CADPS: variants seen among roughly 807,000 people sequenced by gnomAD.
CADPS encodes the protein calcium dependent secretion activator, also known as calcium-dependent secretion activator 1.
CADPS carries 57 observed loss-of-function variants against 167.3 expected under a neutral mutation model. The observed-to-expected ratio is 0.34, with a 90% confidence interval of 0.28 to 0.42. CADPS has a LOEUF of 0.42. CADPS is among the 20% of genes least tolerant of loss of function. CADPS has a pLI of 1.00. For missense variants in CADPS, 1,414 were observed against 1,738.1 expected (o/e 0.81, Z 3.32); for synonymous variants, 676 against 635.3 (o/e 1.06, Z -0.96).
rs137902454 is a variant in CADPS at position 62,490,014 on chromosome 3, C to A, written c.3026+1325G>T. ...GAGCTACTGGTTATTAACCTCCCTG[C>A]AATAGGGAAACTCCTCTTGTGGCTC... On this transcript the variant is annotated intron_variant, in intron 21 of 29. Transcript: ENST00000383710. Among the ~76,000 whole-genome samples the A allele has an allele frequency of 7.9e-5, 12 of 152,222 alleles. No homozygotes were observed. In the East Asian group the frequency reaches 2.1e-3, roughly 27 times the overall value.
rs571340822 is a variant in CADPS, at chr3:62,785,914, G to GA, written c.442-19931dup. Among the ~76,000 whole-genome samples, 781 of 112,480 alleles carry GA rather than the reference G, an allele frequency of 6.9e-3. 5 individuals are homozygous for GA. Among genetic ancestry groups the GA allele is most frequent in the South Asian group, 0.014 (45 of 3,312 alleles). The allele number at this position is 112,480 out of a possible 152,430, so 73.8% of individuals were successfully genotyped here. Reference sequence around the variant, plus strand: ...CACAAAGAAAAACTCTTTTCAAAAAGAAAAAAAAAAAAAAAGGGCCAGGAA... The same window carrying GA: ...CACAAAGAAAAACTCTTTTCAAAAAGAAAAAAAAAAAAAAAAGGGCCAGGAA... On this transcript the variant is annotated intron_variant, in intron 1 of 29. Transcript: ENST00000383710.
intron 3 of CADPS, among the ~76,000 whole-genome samples, chr3:62,682,197 A>C (rs1331489092): frequency 6.6e-6 from 1 of 152,092 alleles, no homozygotes; most frequent in Non-Finnish European, 1.5e-5. Context: ...CCACAATACA[A>C]GTATTTCTGG....
intron 1 of CADPS, among the ~76,000 whole-genome samples, chr3:62,786,385 T>G (rs542003613): frequency 6.6e-6 from 1 of 152,138 alleles, no homozygotes; most frequent in Non-Finnish European, 1.5e-5. Context: ...TCTCTAATGG[T>G]AATTCCAGCA....
intron 1 of CADPS, among the ~76,000 whole-genome samples, chr3:62,771,597 A>C (rs979347784): frequency 7.2e-5 from 11 of 152,176 alleles, no homozygotes; most frequent in African/African-American, 2.4e-4. Flanking sequence ...TAGAGAGAGA[A>C]TCCTCCTAAA....
chr3:62,826,568 C>T (rs2074079531), intron 1 of CADPS, among the ~76,000 whole-genome samples: 1 of 152,142 alleles, frequency 6.6e-6, no homozygotes, highest in Non-Finnish European at 1.5e-5. Context: ...GGAAAAGTAA[C>T]TTGTAACCTT....
intron 26 of CADPS, among the ~76,000 whole-genome samples, chr3:62,464,143 T>C (rs1170865961): frequency 6.6e-6 from 1 of 152,092 alleles, no homozygotes; most frequent in Non-Finnish European, 1.5e-5. Flanking sequence ...ATTATCTTCA[T>C]GATAGCTCAT....
rs2078856930 is a variant in CADPS, at chr3:62,690,219, C to A, written c.889-27825G>T. Among the ~76,000 whole-genome samples the A allele has an allele frequency of 6.6e-5, 10 of 152,014 alleles. No homozygotes were observed. In the South Asian group the frequency reaches 2.1e-3, roughly 32 times the overall value. On this transcript the variant is annotated intron_variant, in intron 3 of 29. Transcript: ENST00000383710. ...CCTGTTAAGTGGGATGTTAACTGTC[C>A]AGTTGGCCATAGTCCCCACCATTCC...
chr3:62,676,309 T>C (rs913888365), intron 3 of CADPS, among the ~76,000 whole-genome samples: 3 of 152,144 alleles, frequency 2.0e-5, no homozygotes, highest in Non-Finnish European at 4.4e-5. Flanking sequence ...AAAAGAGGTG[T>C]TCAATATATA....
At position 62,874,377 on chromosome 3, in the gene CADPS, G is replaced by A. The variant is rs1381962192; in HGVS notation, c.441+212C>T. On this transcript the variant is annotated intron_variant, in intron 1 of 29. Coordinates refer to ENST00000383710, the MANE Select transcript of CADPS (RefSeq NM_003716.4). This position sits in a 1 kb window ranked among gnomAD's most constrained non-coding sequence, Gnocchi z 7.1. ...GGCGCTGCGCTCCGCGGCCCTCGCCGGTCCCAGTCAGCTCCAGGAGCGCTC... is the reference window on the plus strand; with the variant it reads ...GGCGCTGCGCTCCGCGGCCCTCGCCAGTCCCAGTCAGCTCCAGGAGCGCTC... Among the ~76,000 whole-genome samples, 2 of 152,272 alleles carry A rather than the reference G, an allele frequency of 1.3e-5. No individual in the cohort carries two copies. The highest frequency in any genetic ancestry group is 2.0e-4 in the East Asian group (1 of 5,126).
intron 5 of CADPS, 37 bp downstream of exon 5, chr3:62,650,810 T>C (rs757348939): frequency 5.3e-6 from 8 of 1,519,478 alleles, no homozygotes; most frequent in Non-Finnish European, 7.3e-6. Flanking sequence ...TCCTACTTGC[T>C]GTGCCAAGAA....
chr3:62,684,904 G>A (rs1474747922), intron 3 of CADPS, among the ~76,000 whole-genome samples: 1 of 151,992 alleles, frequency 6.6e-6, no homozygotes, highest in Non-Finnish European at 1.5e-5. Flanking sequence ...AAAGATGCTG[G>A]AGGAGAATTC....
At chr3:62,656,535 C>T (rs936006339) in intron 4 of CADPS, among the ~76,000 whole-genome samples, 8 of 152,136 alleles carry the variant, frequency 5.3e-5, no homozygotes, top group African/African-American at 1.7e-4. Flanking sequence ...AGAGCTGAGG[C>T]AACTCTGGGG....
chr3:62,871,341 T>C (rs575790386), intron 1 of CADPS, among the ~76,000 whole-genome samples: 1 of 152,292 alleles, frequency 6.6e-6, no homozygotes, highest in East Asian at 1.9e-4. Flanking sequence ...CTCCTTCATA[T>C]TCTTTAAGAA....
intron 28 of CADPS, among the ~76,000 whole-genome samples, chr3:62,425,642 C>T (rs1398384751): frequency 6.6e-6 from 1 of 152,198 alleles, no homozygotes; most frequent in Non-Finnish European, 1.5e-5. Context: ...TCAAGTTTCT[C>T]GAGCAGCGAA....
chr3:62,544,783 C>T lies in CADPS; in HGVS notation c.1966+5120G>A. On this transcript the variant is annotated intron_variant, in intron 11 of 29. Transcript: ENST00000383710. This position sits in a 1 kb window ranked among gnomAD's most constrained non-coding sequence, Gnocchi z 4.4. ...GGAAGATTTAAGGGGGAGGGAAGCA[C>T]ATTGCAGGTGTCAGATAATCTAATC... The T allele has an allele frequency of 1.2e-6, 1 of 825,142 alleles. No individual in the cohort carries two copies. Among genetic ancestry groups the T allele is most frequent in the East Asian group, 9.4e-5 (1 of 10,626 alleles). The allele number at this position is 825,142 out of a possible 1,614,324, so 51.1% of individuals were successfully genotyped here. A position where few individuals can be genotyped will look rare whatever the true frequency, so the allele number is the denominator to read the frequency against.
At chr3:62,873,597 C>G (rs908910884) in intron 1 of CADPS, among the ~76,000 whole-genome samples, 1 of 148,654 alleles carries the variant, frequency 6.7e-6, no homozygotes, top group Non-Finnish European at 1.5e-5. Flanking sequence ...AGCTAAAGAA[C>G]AGCTGATAGA....
rs1247118160 is a variant in CADPS at position 62,602,656 on chromosome 3, T to C, written c.1326-9908A>G. Among the ~76,000 whole-genome samples the C allele has an allele frequency of 2.6e-5, 4 of 152,156 alleles. No homozygotes were observed. On this transcript the variant is annotated intron_variant, in intron 6 of 29. Coordinates refer to ENST00000383710, the MANE Select transcript of CADPS (RefSeq NM_003716.4). This position sits in a 1 kb window ranked among gnomAD's most constrained non-coding sequence, Gnocchi z 4.4. ...AGTGTACTAGAAAAGCTAAGCTACC[T>C]CTCATCTACATAAGTGAGGCGTTTG... is the stretch of plus-strand genomic sequence containing the variant.
At position 62,746,002 on chromosome 3, in the gene CADPS, C is replaced by A. The variant is rs2081365522; in HGVS notation, c.888+7439G>T. 3.9e-5 allele frequency among the ~76,000 whole-genome samples: 6 copies of A among 152,166 alleles called. No homozygotes were observed. The South Asian group carries it at 1.2e-3, about 31-fold the overall frequency. ...GTTTCAGGAAGGAAAACAGCAAACA[C>A]TGAGGAGCCCATTTTAGGCAGAATG... On this transcript the variant is annotated intron_variant, in intron 3 of 29. Transcript: ENST00000383710.
At chr3:62,549,758 A>G (rs2077036509) in intron 11 of CADPS, 145 bp downstream of exon 11, 4 of 665,276 alleles carry the variant, frequency 6.0e-6, no homozygotes, top group East Asian at 2.8e-5. Flanking sequence ...ATTTGCCCCA[A>G]CTTTCCCCCT....
Sources: allele counts gnomAD v4.1 joint callset (sites outside exome capture counted in the v4.1 genomes callset), GRCh38; gene constraint gnomAD v4.1.1; non-coding constraint Gnocchi (gnomAD v3.1); transcripts MANE v1.5; gene names NCBI Gene and HGNC (gene_info 2026-07-23, HGNC 2026-07-21).